MRTFB: variants seen among roughly 807,000 people sequenced by gnomAD.
MRTFB encodes myocardin related transcription factor B.
In MRTFB, 29 loss-of-function variants were observed where a neutral mutation model predicts 104.2. The observed-to-expected ratio is 0.28, with a 90% CI of 0.21 to 0.38. MRTFB has a LOEUF of 0.38. Ranked by LOEUF, MRTFB falls within the 10% of genes least tolerant of loss-of-function variation. The pLI is 1.00. For missense variants in MRTFB, 1,270 were observed against 1,341.6 expected (o/e 0.95, Z 0.83); for synonymous variants, 535 against 519.5 (o/e 1.03, Z -0.41).
the MRTFB span, among the ~76,000 whole-genome samples, chr16:14,034,198 C>T: frequency 3.3e-5 from 5 of 152,206 alleles, no homozygotes; most frequent in Non-Finnish European, 5.9e-5. Context: ...TGTATTGGCT[C>T]AGTGTTCTGG....
intron 2 of MRTFB, among the ~76,000 whole-genome samples, chr16:14,100,103 T>C (rs1289991929): frequency 6.6e-6 from 1 of 152,232 alleles, no homozygotes; most frequent in East Asian, 1.9e-4. Context: ...TTTCTTGCCT[T>C]ATTGAACGAG....
intron 8 of MRTFB, among the ~76,000 whole-genome samples, chr16:14,227,842 AAGAC>A (rs1319787547): frequency 1.3e-5 from 2 of 152,170 alleles, no homozygotes; most frequent in African/African-American, 4.8e-5. Context: ...AAAACAGACT[AAGAC>A]AGGACTAATA....
intron 3 of MRTFB, among the ~76,000 whole-genome samples, chr16:14,157,768 T>C (rs1378066592): frequency 6.6e-6 from 1 of 152,198 alleles, no homozygotes; most frequent in Non-Finnish European, 1.5e-5. Context: ...ATACTGATAC[T>C]GATACTACAG....
intron 3 of MRTFB, among the ~76,000 whole-genome samples, chr16:14,195,924 TG>T (rs1317588949): frequency 1.3e-5 from 2 of 152,222 alleles, no homozygotes. Context: ...AAAAATGAAT[TG>T]TTTGAAAAAT....
At position 14,210,228 on chromosome 16, in the gene MRTFB, A is replaced by G; in HGVS notation, c.155-15A>G. On this transcript the variant is annotated splice_polypyrimidine_tract_variant and intron_variant, in intron 3 of 16. Coordinates refer to ENST00000571589, the MANE Select transcript of MRTFB (RefSeq NM_001308142.2). ...TTGCCGATAAACTCCAATGGTGATTATTTCCTTTTCACAGTGCTCCAGCTG... is the reference window on the plus strand; with the variant it reads ...TTGCCGATAAACTCCAATGGTGATTGTTTCCTTTTCACAGTGCTCCAGCTG... 1 of 1,610,340 alleles carries G rather than the reference A, an allele frequency of 6.2e-7. No individual in the cohort carries two copies. The highest frequency in any genetic ancestry group is 8.5e-7 in the Non-Finnish European group (1 of 1,177,500).
intron 3 of MRTFB, among the ~76,000 whole-genome samples, chr16:14,145,111 T>C (rs76923094): frequency 0.029 from 4,463 of 151,316 alleles, 238 homozygotes; most frequent in African/African-American, 0.1. Flanking sequence ...TCAAGTAATA[T>C]ATAGATGAAA....
At chr16:14,165,880 T>A (rs1326092843) in intron 3 of MRTFB, among the ~76,000 whole-genome samples, 1 of 152,248 alleles carries the variant, frequency 6.6e-6, no homozygotes, top group African/African-American at 2.4e-5. Context: ...ATATTTAGCA[T>A]TCCCTGTTTT....
chr16:14,137,708 A>G (rs1482720695), intron 2 of MRTFB, among the ~76,000 whole-genome samples: 1 of 152,140 alleles, frequency 6.6e-6, no homozygotes, highest in African/African-American at 2.4e-5. Context: ...TGATATTAAT[A>G]TAGTCATCAC....
At position 14,263,473 on chromosome 16, in the gene MRTFB, C is replaced by T. The variant is rs1324498766; in HGVS notation, c.*2029C>T. The T allele has an allele frequency of 1.3e-5, 2 of 152,228 alleles. No individual in the cohort carries two copies. Among genetic ancestry groups the T allele is most frequent in the African/African-American group, 4.8e-5 (2 of 41,466 alleles). 9.4% of individuals were successfully genotyped at this position (152,228 alleles called of 1,614,324 possible). On this transcript the variant is annotated 3_prime_UTR_variant, in exon 17 of 17. Coordinates refer to ENST00000571589, the MANE Select transcript of MRTFB (RefSeq NM_001308142.2). ...ATACTTAGACCCTGAGCATCTTCTT[C>T]ATTCAGATTTGAATGGCTTATTAAA...
chr16:14,169,883 T>C (rs577577955), intron 3 of MRTFB, among the ~76,000 whole-genome samples: 78 of 152,160 alleles, frequency 5.1e-4, no homozygotes, highest in African/African-American at 1.8e-3. Context: ...AACAAAAATT[T>C]TTAATTAAAG....
intron 2 of MRTFB, among the ~76,000 whole-genome samples, chr16:14,123,420 C>T (rs543971148): frequency 3.9e-5 from 6 of 152,292 alleles, no homozygotes; most frequent in African/African-American, 1.2e-4. Flanking sequence ...TTAGGTCTTA[C>T]ATTTAAGTCT....
At chr16:14,000,497 T>C in the MRTFB span, among the ~76,000 whole-genome samples, 2 of 152,228 alleles carry the variant, frequency 1.3e-5, no homozygotes, top group Non-Finnish European at 2.9e-5. Context: ...GGAAAAGCAG[T>C]GGGGCTTGGA....
chr16:14,037,641 C>T, the MRTFB span, among the ~76,000 whole-genome samples: 1 of 152,136 alleles, frequency 6.6e-6, no homozygotes, highest in Admixed American at 6.6e-5. Context: ...AGCACAGTTC[C>T]CTGGACTGGC....
Position 14,207,720 on chromosome 16 carries a change from TGTCTCTTCC to T in MRTFB, c.155-2522_155-2514del, listed in dbSNP as rs556972965. ...CCCTTCTCCCATACCATGCCCTATG[TGTCTCTTCC>T]ATTTGGCTATCCCTGAGTTGTATCC... On this transcript the variant is annotated intron_variant, in intron 3 of 16. Transcript: ENST00000571589. Among the ~76,000 whole-genome samples, 39 of 152,324 alleles carry T rather than the reference TGTCTCTTCC, an allele frequency of 2.6e-4. No homozygotes were observed. The East Asian group carries it at 7.3e-3, about 29-fold the overall frequency.
chr16:14,184,559 A>C (rs2039880578), intron 3 of MRTFB, among the ~76,000 whole-genome samples: 1 of 91,850 alleles, frequency 1.1e-5, no homozygotes, highest in Non-Finnish European at 2.5e-5. Flanking sequence ...TCAGGAAAAT[A>C]ATGTTGAACT....
chr16:14,248,873 T>C (rs2043134323), intron 12 of MRTFB, 53 bp from the exon 13 acceptor site: 1 of 1,592,138 alleles, frequency 6.3e-7, no homozygotes, highest in South Asian at 1.2e-5. Flanking sequence ...AGTTCTGATT[T>C]CTAACTTTGA....
At chr16:14,044,287 T>C in the MRTFB span, among the ~76,000 whole-genome samples, 1 of 152,216 alleles carries the variant, frequency 6.6e-6, no homozygotes, top group Admixed American at 6.5e-5. Context: ...CAGGTCCCAG[T>C]TGGCTCTAGG....
chr16:14,001,553 A>G, the MRTFB span, among the ~76,000 whole-genome samples: 1 of 152,242 alleles, frequency 6.6e-6, no homozygotes, highest in Admixed American at 6.5e-5. Context: ...GTAGTGAACA[A>G]TGATCGCCCA....
the MRTFB span, among the ~76,000 whole-genome samples, chr16:14,019,676 G>C: frequency 6.6e-6 from 1 of 152,194 alleles, no homozygotes; most frequent in Admixed American, 6.5e-5. Flanking sequence ...AGTTGGCCCA[G>C]TGAGTAGTAA....
Sources: gnomAD v4.1 joint callset for allele counts (sites outside exome capture counted in the v4.1 genomes callset) on GRCh38, gnomAD v4.1.1 for gene constraint, MANE v1.5 for transcripts, NCBI Gene and HGNC (gene_info 2026-07-23, HGNC 2026-07-21) for gene names.